The following ZMAT4 variants were observed in gnomAD, a reference collection of about 807,000 sequenced individuals.
The protein encoded by ZMAT4 is zinc finger matrin-type 4.
A neutral mutation model predicts 28.7 loss-of-function variants in ZMAT4; 17 were observed. The observed-to-expected ratio is 0.59, with a 90% confidence interval of 0.41 to 0.89. ZMAT4 has a LOEUF of 0.89. ZMAT4 is among the 40% of genes least tolerant of loss of function. The pLI is 0.00. For synonymous variants in ZMAT4, 117 were observed against 109.2 expected, an observed-to-expected ratio of 1.07 and a Z score of -0.44; for missense variants, 240 against 283.8, an observed-to-expected ratio of 0.85 and a Z score of 1.11.
chr8:40,572,300 C>T lies in ZMAT4; in HGVS notation c.674+8865G>A, dbSNP rs559662505. ...GAGTATAATGGGGAAATAAATAATA[C>T]GAGGCTTTTGTCATGAGGATTCATA... On this transcript the variant is annotated intron_variant, in intron 6 of 6. Coordinates refer to ENST00000297737, the MANE Select transcript of ZMAT4 (RefSeq NM_024645.3). Among the ~76,000 whole-genome samples, 19 of 152,048 alleles carry T rather than the reference C, an allele frequency of 1.2e-4. No individual in the cohort carries two copies. The South Asian group carries it at 2.3e-3, about 18-fold the overall frequency.
rs766477559 is a variant in ZMAT4, at chr8:40,697,241, G to A, written c.349+4C>T. On this transcript the variant is annotated splice_donor_region_variant and intron_variant, in intron 4 of 6. Transcript: ENST00000297737. ...CTCCCCACGATCACTGTTCCTGCAC[G>A]TACCTGTGGTCTTTAATGGGGTCTT... 3.6e-5 allele frequency: 57 copies of A among 1,602,640 alleles called. No individual in the cohort carries two copies. In the Middle Eastern group the frequency reaches 6.7e-4, roughly 19 times the overall value.
intron 5 of ZMAT4, among the ~76,000 whole-genome samples, chr8:40,617,567 A>T (rs1211049567): frequency 1.3e-5 from 2 of 152,212 alleles, no homozygotes; most frequent in Non-Finnish European, 2.9e-5. Flanking sequence ...GGAAGCATAA[A>T]ATATATATAA....
intron 3 of ZMAT4, among the ~76,000 whole-genome samples, chr8:40,713,249 G>A (rs1249774408): frequency 1.3e-5 from 2 of 152,076 alleles, no homozygotes; most frequent in African/African-American, 2.4e-5. Context: ...ATAACAATTT[G>A]GGGAAAATAA....
chr8:40,603,377 T>G lies in ZMAT4; in HGVS notation c.578-22116A>C, dbSNP rs370981529. 1.9e-3 allele frequency among the ~76,000 whole-genome samples: 295 copies of G among 152,340 alleles called. 1 individual carries two copies. Among genetic ancestry groups the G allele is most frequent in the African/African-American group, 6.8e-3 (281 of 41,584 alleles). On this transcript the variant is annotated intron_variant, in intron 5 of 6. Coordinates refer to ENST00000297737, the MANE Select transcript of ZMAT4 (RefSeq NM_024645.3). ...TAATGTGATGTCTCCAGATTTGTTC[T>G]TTTTGCTTAGTCTTGCTTTGGCTAT...
intron 5 of ZMAT4, among the ~76,000 whole-genome samples, chr8:40,657,800 A>G (rs1351562131): frequency 6.6e-6 from 1 of 152,186 alleles, no homozygotes; most frequent in Non-Finnish European, 1.5e-5. Flanking sequence ...GTTTCCAAGA[A>G]CTTATTGAAG....
chr8:40,658,665 A>ACACACAC (rs1808047925), intron 5 of ZMAT4, among the ~76,000 whole-genome samples: 1 of 120,842 alleles, frequency 8.3e-6, no homozygotes, highest in Non-Finnish European at 1.7e-5. Context: ...CACACACACA[A>ACACACAC]ACACAAAACT....
chr8:40,710,843 C>T (rs1331094896), intron 3 of ZMAT4, among the ~76,000 whole-genome samples: 5 of 151,834 alleles, frequency 3.3e-5, no homozygotes, highest in South Asian at 2.1e-4. Context: ...TGCAGTGGCG[C>T]GATCTCGGCT....
chr8:40,865,165 A>G (rs1817633430), intron 1 of ZMAT4, among the ~76,000 whole-genome samples: 1 of 152,222 alleles, frequency 6.6e-6, no homozygotes, highest in Non-Finnish European at 1.5e-5. Flanking sequence ...CTTTTGCTGC[A>G]TTCACACATT....
intron 1 of ZMAT4, among the ~76,000 whole-genome samples, chr8:40,886,296 G>C (rs1818449932): frequency 1.3e-5 from 2 of 152,214 alleles, no homozygotes. Context: ...GGCCCCTGGG[G>C]ATCAGAAGGG....
chr8:40,739,575 A>T (rs1319349524), intron 3 of ZMAT4, among the ~76,000 whole-genome samples: 1 of 152,226 alleles, frequency 6.6e-6, no homozygotes. Flanking sequence ...AAGAGCTGAC[A>T]TAAGCTACTT....
intron 4 of ZMAT4, among the ~76,000 whole-genome samples, chr8:40,685,360 G>C (rs1031414253): frequency 2.0e-5 from 3 of 152,128 alleles, no homozygotes; most frequent in African/African-American, 7.2e-5. Flanking sequence ...GATGAACAAA[G>C]GAGCACTGCA....
intron 3 of ZMAT4, among the ~76,000 whole-genome samples, chr8:40,734,814 T>C (rs1329616043): frequency 1.3e-5 from 2 of 152,060 alleles, no homozygotes; most frequent in Non-Finnish European, 2.9e-5. Flanking sequence ...AAAGAAAAAA[T>C]TATATGATTG....
intron 4 of ZMAT4, among the ~76,000 whole-genome samples, chr8:40,676,856 C>G (rs554210249): frequency 6.6e-6 from 1 of 152,110 alleles, no homozygotes; most frequent in Non-Finnish European, 1.5e-5. Context: ...GCCATTCCAG[C>G]AGCCACCCAG....
At chr8:40,602,695 C>A (rs992366530) in intron 5 of ZMAT4, among the ~76,000 whole-genome samples, 2 of 152,036 alleles carry the variant, frequency 1.3e-5, no homozygotes, top group African/African-American at 4.8e-5. Flanking sequence ...TATTTATGTC[C>A]TTAGCCCACT....
intron 6 of ZMAT4, among the ~76,000 whole-genome samples, chr8:40,573,773 G>A (rs1336145959): frequency 6.6e-6 from 1 of 152,048 alleles, no homozygotes; most frequent in Non-Finnish European, 1.5e-5. Context: ...GCAAGGGCAT[G>A]GAAAGTGGAC....
At chr8:40,800,120 A>C (rs1442327973) in intron 2 of ZMAT4, among the ~76,000 whole-genome samples, 1 of 152,238 alleles carries the variant, frequency 6.6e-6, no homozygotes. Context: ...GATGGACCAC[A>C]CGCCCAAGAA....
intron 2 of ZMAT4, among the ~76,000 whole-genome samples, chr8:40,802,469 T>G (rs967858467): frequency 6.6e-6 from 1 of 152,078 alleles, no homozygotes; most frequent in African/African-American, 2.4e-5. Context: ...ATACTATGAA[T>G]GTTAGCACAC....
chr8:40,743,253 T>C (rs1001230764), intron 3 of ZMAT4, among the ~76,000 whole-genome samples: 1 of 152,176 alleles, frequency 6.6e-6, no homozygotes, highest in Non-Finnish European at 1.5e-5. Flanking sequence ...AGGAAGAATT[T>C]AGGGCTTTAA....
At chr8:40,623,023 C>T (rs146862894) in intron 5 of ZMAT4, among the ~76,000 whole-genome samples, 19 of 152,318 alleles carry the variant, frequency 1.2e-4, no homozygotes, top group Non-Finnish European at 2.5e-4. Context: ...TTTATCACCT[C>T]TTTCCTCCAT....
Sources: gnomAD v4.1 joint callset for allele counts (sites outside exome capture counted in the v4.1 genomes callset) on GRCh38, gnomAD v4.1.1 for gene constraint, MANE v1.5 for transcripts, NCBI Gene and HGNC (gene_info 2026-07-23, HGNC 2026-07-21) for gene names.